The following CD99 variants were observed in gnomAD, a reference collection of about 807,000 sequenced individuals.
The protein encoded by CD99 is CD99 antigen.
In CD99, 19 loss-of-function variants were observed where a neutral mutation model predicts 28.4. The observed-to-expected ratio is 0.67, with a 90% CI of 0.47 to 0.98. CD99 has a LOEUF of 0.98. Ranked by LOEUF, CD99 falls within the 50% of genes least tolerant of loss-of-function variation. The probability of loss-of-function intolerance (pLI) is 0.00; values close to 1 mark genes in which losing one functional copy is unlikely to be tolerated. For synonymous variants in CD99, 103 were observed against 92.1 expected, an observed-to-expected ratio of 1.12 and a Z score of -0.67; for missense variants, 283 against 248.8, an observed-to-expected ratio of 1.14 and a Z score of -0.92.
chrX:2,740,867 C>T lies in CD99; in HGVS notation c.*63C>T, dbSNP rs748878988. On this transcript the variant is annotated 3_prime_UTR_variant, in exon 10 of 10. Transcript: ENST00000381192. ...GGGTTAGAACAGCTGCCTGAGGCTC[C>T]TCCCTGAAGGACACCTGCCTGAGAG... 3.8e-6 allele frequency: 6 copies of T among 1,577,204 alleles called. No individual in the cohort carries two copies. Among genetic ancestry groups the T allele is most frequent in the East Asian group, 2.2e-5 (1 of 44,702 alleles).
At chrX:2,732,664 A>G (rs182885191) in intron 8 of CD99, among the ~76,000 whole-genome samples, 104 of 100,930 alleles carry the variant, frequency 1.0e-3, no homozygotes, top group African/African-American at 4.1e-3. Context: ...CCTTTTCTCT[A>G]TCTCTTCCTT....
intron 7 of CD99, among the ~76,000 whole-genome samples, chrX:2,725,778 T>G (rs1057047543): frequency 1.8e-4 from 27 of 152,148 alleles, no homozygotes; most frequent in African/African-American, 6.3e-4. Flanking sequence ...TACTCCCGGC[T>G]AATTTTTGTA....
At chrX:2,728,200 CT>C (rs892410632) in intron 8 of CD99, among the ~76,000 whole-genome samples, 3,662 of 106,940 alleles carry the variant, frequency 0.034, 99 homozygotes, top group African/African-American at 0.12. Flanking sequence ...TTGGTTGTTT[CT>C]TTTTTTTTTT....
intron 1 of CD99, among the ~76,000 whole-genome samples, chrX:2,713,849 G>A (rs184389016): frequency 3.1e-4 from 47 of 152,280 alleles, no homozygotes; most frequent in Admixed American, 2.6e-4. Context: ...TCTTCAGTGC[G>A]CCAGAGATGG....
At chrX:2,716,664 G>A (rs186970265) in intron 2 of CD99, among the ~76,000 whole-genome samples, 6 of 152,288 alleles carry the variant, frequency 3.9e-5, no homozygotes, top group South Asian at 2.1e-4. Flanking sequence ...ACTGCACCTC[G>A]CCAGCTTTTA....
At chrX:2,733,491 A>G in intron 8 of CD99, 1 of 1,052,958 alleles carries the variant, frequency 9.5e-7, no homozygotes, top group Non-Finnish European at 1.4e-6. Context: ...CCTGCTGGCA[A>G]ATTCCCACCA....
chrX:2,709,190 T>G (rs962243069), intron 1 of CD99, among the ~76,000 whole-genome samples: 3 of 76,488 alleles, frequency 3.9e-5, no homozygotes, highest in African/African-American at 8.8e-5. Flanking sequence ...CATGCACACA[T>G]ACACAGGCAC....
At chrX:2,698,968 C>T (rs767809998) in intron 1 of CD99, among the ~76,000 whole-genome samples, 1 of 151,802 alleles carries the variant, frequency 6.6e-6, no homozygotes, top group East Asian at 1.9e-4. Context: ...GCTCTGTCAC[C>T]CAGGCTGGAG....
intron 3 of CD99, chrX:2,719,425 C>G (rs1174222634): frequency 1.8e-6 from 1 of 554,064 alleles, no homozygotes; most frequent in South Asian, 2.8e-5. Context: ...CTGAGAGCTT[C>G]TCTCCTAGCT....
intron 1 of CD99, among the ~76,000 whole-genome samples, chrX:2,712,444 A>G (rs1267655977): frequency 6.6e-6 from 1 of 152,130 alleles, no homozygotes; most frequent in Non-Finnish European, 1.5e-5. Context: ...TTCAAAAAAT[A>G]CAATTACAGA....
At chrX:2,712,855 A>G (rs764044521) in intron 1 of CD99, among the ~76,000 whole-genome samples, 19 of 152,094 alleles carry the variant, frequency 1.2e-4, no homozygotes, top group African/African-American at 4.1e-4. Context: ...TTCACACTAT[A>G]CTCACCTACC....
In CD99 at chrX:2,726,289, G is replaced by A. The variant is rs756675653; in HGVS notation, c.391G>A (p.Val131Met). The change falls in exon 8 of 10, where the codon GTG becomes ATG. Residue 131 changes from valine (V) to methionine (M), a missense_variant. By Grantham distance (21) the Val-to-Met change is conservative. Transcript: ENST00000381192. Reference sequence around the variant, plus strand: ...CGCCCCAGGCGTGATCCCCGGGATTGTGGGGGCTGTCGTGGTCGCCGTGGC... The same window carrying A: ...CGCCCCAGGCGTGATCCCCGGGATTATGGGGGCTGTCGTGGTCGCCGTGGC... ...ADAPGVIPGI[V>M]GAVVVAVAGA... The A allele has an allele frequency of 6.2e-7, 1 of 1,611,836 alleles. No individual in the cohort carries two copies. The highest frequency in any genetic ancestry group is 8.5e-7 in the Non-Finnish European group (1 of 1,179,428).
intron 1 of CD99, among the ~76,000 whole-genome samples, chrX:2,705,722 T>C (rs2048080743): frequency 6.6e-6 from 1 of 152,204 alleles, no homozygotes; most frequent in Non-Finnish European, 1.5e-5. Flanking sequence ...TCATGGACGC[T>C]TTGTGCCCTG....
At chrX:2,736,966 C>G (rs979607626) in intron 8 of CD99, among the ~76,000 whole-genome samples, 1 of 151,990 alleles carries the variant, frequency 6.6e-6, no homozygotes, top group East Asian at 1.9e-4. Flanking sequence ...CACAAGACGC[C>G]TTGGCTGTCT....
chrX:2,699,338 T>C (rs1207931657), intron 1 of CD99, among the ~76,000 whole-genome samples: 2 of 151,872 alleles, frequency 1.3e-5, no homozygotes, highest in African/African-American at 4.8e-5. Flanking sequence ...CCTGGCTAAT[T>C]TTTGTATTTT....
chrX:2,710,488 A>G (rs1382344707), intron 1 of CD99, among the ~76,000 whole-genome samples: 7 of 144,084 alleles, frequency 4.9e-5, no homozygotes, highest in African/African-American at 1.9e-4. Flanking sequence ...TTAAAATAAT[A>G]TCTGTACTTT....
At chrX:2,703,519 C>A (rs2047968496) in intron 1 of CD99, among the ~76,000 whole-genome samples, 1 of 152,170 alleles carries the variant, frequency 6.6e-6, no homozygotes, top group South Asian at 2.1e-4. Context: ...CAATAGTTCA[C>A]TATTCGCTAA....
At chrX:2,734,950 G>C (rs1392997613) in intron 8 of CD99, among the ~76,000 whole-genome samples, 3 of 152,112 alleles carry the variant, frequency 2.0e-5, no homozygotes, top group Non-Finnish European at 2.9e-5. Flanking sequence ...ACTGTATGGT[G>C]TGAGGGCACA....
At chrX:2,736,404 A>G (rs992910686) in intron 8 of CD99, among the ~76,000 whole-genome samples, 3 of 152,044 alleles carry the variant, frequency 2.0e-5, no homozygotes, top group Non-Finnish European at 4.4e-5. Flanking sequence ...CTTCACACCA[A>G]CACTGGAAAT....
Sources: gnomAD v4.1 joint callset for allele counts (sites outside exome capture counted in the v4.1 genomes callset) on GRCh38, gnomAD v4.1.1 for gene constraint, MANE v1.5 for transcripts, NCBI Gene and HGNC (gene_info 2026-07-23, HGNC 2026-07-21) for gene names.